The following PHACTR4 variants were observed in gnomAD, a reference collection of about 807,000 sequenced individuals.
The protein encoded by PHACTR4 is phosphatase and actin regulator 4, also known as protein phosphatase 1, regulatory subunit 124.
A neutral mutation model predicts 72.7 loss-of-function variants in PHACTR4; 51 were observed. The ratio of observed to expected loss-of-function variants is 0.70; its 90% CI spans 0.56 to 0.89. The LOEUF is 0.89. Among genes scored for constraint, PHACTR4 ranks in the 40% least tolerant of loss-of-function variants. PHACTR4 has a pLI of 0.00. For missense variants in PHACTR4, 731 were observed against 861.8 expected (o/e 0.85, Z 1.90); for synonymous variants, 255 against 302.5 (o/e 0.84, Z 1.63).
At chr1:28,475,923 C>T (rs1659889268) in intron 7 of PHACTR4, among the ~76,000 whole-genome samples, 184 bp from the exon 8 acceptor site, 1 of 151,944 alleles carries the variant, frequency 6.6e-6, no homozygotes, top group South Asian at 2.1e-4. Context: ...CACAGGGTTT[C>T]ACCATGTTGG....
chr1:28,483,692 G>A (rs1246824755), intron 9 of PHACTR4, among the ~76,000 whole-genome samples: 3 of 150,758 alleles, frequency 2.0e-5, no homozygotes, highest in Admixed American at 6.6e-5. Flanking sequence ...CCAGCTACTC[G>A]GGAGGCTGAG....
At chr1:28,476,830 G>T (rs1339229006) in intron 8 of PHACTR4, among the ~76,000 whole-genome samples, 1 of 141,470 alleles carries the variant, frequency 7.1e-6, no homozygotes, top group African/African-American at 2.8e-5. Flanking sequence ...GAGTGCAATG[G>T]TGCGATCTCG....
intron 13 of PHACTR4, among the ~76,000 whole-genome samples, chr1:28,496,026 G>A (rs1040544660): frequency 6.9e-6 from 1 of 145,664 alleles, no homozygotes; most frequent in Non-Finnish European, 1.5e-5. Flanking sequence ...AAAAGATAGT[G>A]TTACAGAAGC....
chr1:28,387,646 G>A (rs907328091), intron 1 of PHACTR4, among the ~76,000 whole-genome samples: 1 of 152,108 alleles, frequency 6.6e-6, no homozygotes, highest in Non-Finnish European at 1.5e-5. Flanking sequence ...AGCACTTTGC[G>A]GGGGCTGAGG....
chr1:28,403,694 T>C (rs1295260979), intron 1 of PHACTR4, among the ~76,000 whole-genome samples: 1 of 152,106 alleles, frequency 6.6e-6, no homozygotes, highest in African/African-American at 2.4e-5. Flanking sequence ...ACATTTTAAT[T>C]ACCCCCCAAA....
intron 1 of PHACTR4, among the ~76,000 whole-genome samples, chr1:28,384,286 C>T (rs900354565): frequency 9.9e-5 from 15 of 151,938 alleles, no homozygotes; most frequent in African/African-American, 2.7e-4. Context: ...TGAATCCATC[C>T]GGTCCTGGGC....
Position 28,480,441 on chromosome 1 carries a change from G to T in PHACTR4, c.1607-10G>T, listed in dbSNP as rs372704640. 3.7e-6 allele frequency: 6 copies of T among 1,610,586 alleles called. No homozygotes were observed. In the Admixed American group the frequency reaches 8.4e-5, roughly 23 times the overall value. ...CAAGTTCTACATTTTTTTCTTCCCC[G>T]TGTGCAAAGGTGCTCTCGCCAACAA... On this transcript the variant is annotated splice_polypyrimidine_tract_variant and intron_variant, in intron 8 of 13. Transcript: ENST00000373839.
At chr1:28,414,782 G>T (rs776128560) in intron 2 of PHACTR4, among the ~76,000 whole-genome samples, 1 of 152,042 alleles carries the variant, frequency 6.6e-6, no homozygotes, top group Non-Finnish European at 1.5e-5. Flanking sequence ...CCAAAATTCC[G>T]CCAGAGTTAG....
At chr1:28,448,402 GA>G (rs1402254299) in intron 2 of PHACTR4, among the ~76,000 whole-genome samples, 1 of 144,470 alleles carries the variant, frequency 6.9e-6, no homozygotes. Context: ...GAAAAGAAAA[GA>G]AAGGAAAGGA....
At position 28,459,263 on chromosome 1, in the gene PHACTR4, G is replaced by A. The variant is rs760827299; in HGVS notation, c.190+5G>A. The A allele has an allele frequency of 6.2e-7, 1 of 1,608,964 alleles. No individual in the cohort carries two copies. Among genetic ancestry groups the A allele is most frequent in the Non-Finnish European group, 8.5e-7 (1 of 1,176,080 alleles). ...AATTTAAAGAGACTTCAGAAGGTGA[G>A]ATATTAAGGGTTAAATGTGTGTTCT... On this transcript the variant is annotated splice_donor_5th_base_variant and intron_variant, in intron 3 of 13. Coordinates refer to ENST00000373839, the MANE Select transcript of PHACTR4 (RefSeq NM_001048183.3).
In PHACTR4 at chr1:28,464,457, T is replaced by C. The variant is rs981077965; in HGVS notation, c.272-1228T>C. On this transcript the variant is annotated intron_variant, in intron 4 of 13. Transcript: ENST00000373839. ...AAGCAAGGCATGGTGGTGTGTGCTATAGTCCCATCTACTAGGGAGTCTGAG... is the reference window on the plus strand; with the variant it reads ...AAGCAAGGCATGGTGGTGTGTGCTACAGTCCCATCTACTAGGGAGTCTGAG... Among the ~76,000 whole-genome samples the C allele has an allele frequency of 5.3e-5, 8 of 152,324 alleles. 1 individual carries two copies. In the South Asian group the frequency reaches 1.7e-3, roughly 32 times the overall value.
chr1:28,456,844 G>GCCAC (rs1252006291), intron 2 of PHACTR4, among the ~76,000 whole-genome samples: 1 of 150,022 alleles, frequency 6.7e-6, no homozygotes, highest in African/African-American at 2.4e-5. Flanking sequence ...CTGTGATTGT[G>GCCAC]CCACTGCACT....
chr1:28,424,471 A>G (rs1655706231), intron 2 of PHACTR4, among the ~76,000 whole-genome samples: 1 of 149,168 alleles, frequency 6.7e-6, no homozygotes, highest in Non-Finnish European at 1.5e-5. Flanking sequence ...AGCTATTTTC[A>G]TTTATTTTTA....
chr1:28,463,480 T>C (rs977700785), intron 4 of PHACTR4, among the ~76,000 whole-genome samples: 3 of 147,814 alleles, frequency 2.0e-5, no homozygotes, highest in Admixed American at 1.3e-4. Flanking sequence ...TAATTAACAC[T>C]GTCTTAAACT....
At chr1:28,452,563 G>C (rs1039988698) in intron 2 of PHACTR4, among the ~76,000 whole-genome samples, 4 of 152,012 alleles carry the variant, frequency 2.6e-5, no homozygotes, top group African/African-American at 7.2e-5. Context: ...CCAGCACTCT[G>C]GGAGGCCAAG....
chr1:28,479,929 A>G (rs903847750), intron 8 of PHACTR4, among the ~76,000 whole-genome samples: 4 of 152,126 alleles, frequency 2.6e-5, no homozygotes, highest in Admixed American at 2.6e-4. Context: ...CAACAACAAT[A>G]TGGAGTAGAG....
Position 28,463,289 on chromosome 1 carries a change from G to T in PHACTR4, c.272-2396G>T, listed in dbSNP as rs544040663. Among the ~76,000 whole-genome samples the T allele has an allele frequency of 2.0e-5, 3 of 151,034 alleles. No homozygotes were observed. The South Asian group carries it at 6.2e-4, about 31-fold the overall frequency. On this transcript the variant is annotated intron_variant, in intron 4 of 13. Transcript: ENST00000373839. ...TTAATTGATTTTAATTGATTTTCTG[G>T]GTTTAGGGAGAACATTCAGTGATGT... is the stretch of plus-strand genomic sequence containing the variant.
intron 2 of PHACTR4, among the ~76,000 whole-genome samples, chr1:28,409,578 A>G (rs1343673570): frequency 3.3e-5 from 5 of 152,232 alleles, no homozygotes; most frequent in African/African-American, 9.6e-5. Context: ...ATCCGATTCA[A>G]GCATTTTCTG....
chr1:28,413,323 C>A (rs762859438), intron 2 of PHACTR4, among the ~76,000 whole-genome samples: 23 of 152,228 alleles, frequency 1.5e-4, no homozygotes, highest in South Asian at 8.3e-4. Flanking sequence ...CAATATATCT[C>A]TTGAGTCACA....
Sources: gnomAD v4.1 joint callset for allele counts (sites outside exome capture counted in the v4.1 genomes callset) on GRCh38, gnomAD v4.1.1 for gene constraint, MANE v1.5 for transcripts, NCBI Gene and HGNC (gene_info 2026-07-23, HGNC 2026-07-21) for gene names.